EFCAB6: variants seen among roughly 807,000 people sequenced by gnomAD.
EFCAB6 encodes the protein EF-hand calcium binding domain 6.
Under a neutral mutation model 169.8 loss-of-function variants are expected in EFCAB6, and 156 were observed. That is an observed-to-expected ratio of 0.92 (90% CI 0.81 to 1.05). The LOEUF (loss-of-function observed/expected upper bound fraction) is 1.05, where lower values mean the gene tolerates loss of function less well. Among genes scored for constraint, EFCAB6 ranks in the 50% least tolerant of loss-of-function variants. The pLI is 0.00. For missense variants in EFCAB6, 1,800 were observed against 1,829.1 expected, an observed-to-expected ratio of 0.98 and a Z score of 0.29; for synonymous variants, 698 against 676.4, an observed-to-expected ratio of 1.03 and a Z score of -0.50.
chr22:43,584,654 C>G (rs970309527), intron 24 of EFCAB6, among the ~76,000 whole-genome samples: 2 of 152,118 alleles, frequency 1.3e-5, no homozygotes, highest in Non-Finnish European at 2.9e-5. Flanking sequence ...TCAGCCAACT[C>G]CAGCCCCATC....
chr22:43,775,002 A>G (rs774086915), intron 3 of EFCAB6, among the ~76,000 whole-genome samples: 1 of 152,080 alleles, frequency 6.6e-6, no homozygotes, highest in Non-Finnish European at 1.5e-5. Flanking sequence ...TGGGGTGGAG[A>G]CAGGCTGGGT....
chr22:43,728,120 G>A (rs967670462), intron 8 of EFCAB6, among the ~76,000 whole-genome samples: 4 of 151,772 alleles, frequency 2.6e-5, no homozygotes, highest in African/African-American at 7.3e-5. Flanking sequence ...ATGTCCATGT[G>A]TTCTCATTGT....
intron 23 of EFCAB6, among the ~76,000 whole-genome samples, chr22:43,590,580 A>G (rs1377271623): frequency 1.3e-5 from 2 of 152,126 alleles, no homozygotes; most frequent in Non-Finnish European, 2.9e-5. Context: ...CTCAATAAAC[A>G]CTAGTTGAGT....
intron 4 of EFCAB6, among the ~76,000 whole-genome samples, chr22:43,767,881 C>T (rs1240529244): frequency 6.6e-6 from 1 of 152,238 alleles, no homozygotes; most frequent in Admixed American, 6.5e-5. Context: ...AAGGGAGAGG[C>T]TCTGCTCAGT....
intron 20 of EFCAB6, among the ~76,000 whole-genome samples, chr22:43,626,086 T>G (rs564176623): frequency 1.8e-3 from 270 of 152,346 alleles, no homozygotes; most frequent in African/African-American, 6.2e-3. Context: ...TATATATATT[T>G]TCATACACAC....
intron 2 of EFCAB6, chr22:43,802,609 A>G: frequency 2.1e-6 from 1 of 467,806 alleles, no homozygotes; most frequent in Non-Finnish European, 4.2e-6. Flanking sequence ...CTGCTCCTCC[A>G]AAGCCAGAGC....
At chr22:43,597,154 T>A (rs1171567183) in intron 23 of EFCAB6, among the ~76,000 whole-genome samples, 1 of 152,108 alleles carries the variant, frequency 6.6e-6, no homozygotes, top group Non-Finnish European at 1.5e-5. Context: ...ACTACTAGAA[T>A]AAAACATTGG....
chr22:43,754,772 A>G (rs573665795), intron 6 of EFCAB6, among the ~76,000 whole-genome samples: 1 of 152,314 alleles, frequency 6.6e-6, no homozygotes, highest in East Asian at 1.9e-4. Flanking sequence ...GTCATAAACA[A>G]TGGACTTTTC....
chr22:43,742,594 G>C (rs2060415105), intron 6 of EFCAB6, among the ~76,000 whole-genome samples: 1 of 152,220 alleles, frequency 6.6e-6, no homozygotes, highest in Non-Finnish European at 1.5e-5. Flanking sequence ...CCAGGAAATG[G>C]GCCTGCATGG....
At chr22:43,791,187 G>A (rs5764298) in intron 2 of EFCAB6, among the ~76,000 whole-genome samples, 120,784 of 151,992 alleles carry the variant, frequency 0.79, 48,049 homozygotes, top group African/African-American at 0.85. Flanking sequence ...CAGCCTGGGC[G>A]ATATGGCAAA....
At chr22:43,669,789 T>C (rs2057409034) in intron 15 of EFCAB6, among the ~76,000 whole-genome samples, 1 of 152,170 alleles carries the variant, frequency 6.6e-6, no homozygotes, top group Non-Finnish European at 1.5e-5. Context: ...ATTATATGAC[T>C]GAAGGCAGGG....
intron 3 of EFCAB6, among the ~76,000 whole-genome samples, chr22:43,780,044 G>A (rs766361705): frequency 1.3e-5 from 2 of 152,198 alleles, no homozygotes; most frequent in South Asian, 2.1e-4. Flanking sequence ...ACAATGGAAT[G>A]TTATTTTTCC....
intron 5 of EFCAB6, chr22:43,759,806 A>T (rs1260743495): frequency 6.6e-6 from 1 of 152,216 alleles, no homozygotes; most frequent in African/African-American, 2.4e-5. Flanking sequence ...GGTGATTTTG[A>T]TACATGACAA....
intron 22 of EFCAB6, among the ~76,000 whole-genome samples, chr22:43,604,827 T>G (rs1368969367): frequency 2.0e-5 from 3 of 152,166 alleles, no homozygotes; most frequent in African/African-American, 7.2e-5. Flanking sequence ...AATTGGGCAT[T>G]AATTATCTTG....
chr22:43,537,474 G>A lies in EFCAB6; in HGVS notation c.3951C>T (p.Leu1317=), dbSNP rs1364821222. The change falls in exon 29 of 32, where the codon CTC becomes CTT. Residue 1317 remains leucine (L), a synonymous_variant. Transcript: ENST00000262726. This position sits in a 1 kb window ranked among gnomAD's most constrained non-coding sequence, Gnocchi z 4.3. ...LQNCDPIESR[L]RKRIQGCWRQ... is the part of the protein sequence containing the mutation. Reference sequence around the variant, plus strand: ...GCCAGCAGCCCTGGATTCTCTTCCGGAGCCTGCTCTCTATGGGATCACAGT... The same window carrying A: ...GCCAGCAGCCCTGGATTCTCTTCCGAAGCCTGCTCTCTATGGGATCACAGT... The A allele has an allele frequency of 6.2e-7, 1 of 1,614,070 alleles. No individual in the cohort carries two copies. Among genetic ancestry groups the A allele is most frequent in the Non-Finnish European group, 8.5e-7 (1 of 1,180,028 alleles).
At chr22:43,790,519 A>G (rs1371856055) in intron 2 of EFCAB6, among the ~76,000 whole-genome samples, 1 of 152,244 alleles carries the variant, frequency 6.6e-6, no homozygotes, top group African/African-American at 2.4e-5. Flanking sequence ...GCAGAGAAGA[A>G]TAGAAGACAT....
intron 31 of EFCAB6, 114 bp from the exon 32 acceptor site, chr22:43,529,089 G>A (rs1371331421): frequency 1.1e-5 from 14 of 1,232,168 alleles, no homozygotes; most frequent in South Asian, 1.8e-5. Flanking sequence ...CCCCACTTCC[G>A]ATGTCAGCCT....
intron 6 of EFCAB6, among the ~76,000 whole-genome samples, chr22:43,748,910 T>C (rs1183826513): frequency 6.6e-6 from 1 of 152,194 alleles, no homozygotes; most frequent in Non-Finnish European, 1.5e-5. Flanking sequence ...CAGAGAAGTC[T>C]GACGGGCTCT....
In EFCAB6 at chr22:43,626,505, G is replaced by T. The variant is rs2054534412; in HGVS notation, c.2407C>A (p.Gln803Lys). The change falls in exon 20 of 32, where the codon CAA becomes AAA. Residue 803 changes from glutamine (Q) to lysine (K), a missense_variant. Gln to Lys is a moderately conservative substitution (Grantham distance 53). Transcript: ENST00000262726. ...CATGGTCTCTTCTCACACAAATTTT[G>T]AAATTCCCGAAAATTTAAAGTGACA... ...LSVTLNFREF[Q>K]NLCEKRPWRT... is the part of the protein sequence containing the mutation. The T allele has an allele frequency of 6.2e-7, 1 of 1,614,106 alleles. No homozygotes were observed. Among genetic ancestry groups the T allele is most frequent in the African/African-American group, 1.3e-5 (1 of 75,000 alleles).
Sources: gnomAD v4.1 joint callset for allele counts (sites outside exome capture counted in the v4.1 genomes callset) on GRCh38, gnomAD v4.1.1 for gene constraint, Gnocchi (gnomAD v3.1) non-coding constraint, MANE v1.5 for transcripts, NCBI Gene and HGNC (gene_info 2026-07-23, HGNC 2026-07-21) for gene names.